The following ZBTB7C variants were observed in gnomAD, a reference collection of about 807,000 sequenced individuals.
ZBTB7C encodes zinc finger and BTB domain containing 7C, also known as zinc finger and BTB domain-containing protein 7C.
In ZBTB7C, 8 loss-of-function variants were observed where a neutral mutation model predicts 25.7. That is an observed-to-expected ratio of 0.31 (90% CI 0.18 to 0.56). The LOEUF (loss-of-function observed/expected upper bound fraction) is 0.56. Ranked by LOEUF, ZBTB7C falls within the 20% of genes least tolerant of loss-of-function variation. ZBTB7C has a pLI of 0.91. For missense variants in ZBTB7C, 824 were observed against 855.2 expected (o/e 0.96, Z 0.46); for synonymous variants, 394 against 369.0 (o/e 1.07, Z -0.78).
At chr18:48,176,616 C>CGTGTGTGTGTGTGTGTGT (rs10533963) in intron 3 of ZBTB7C, among the ~76,000 whole-genome samples, 93 of 149,746 alleles carry the variant, frequency 6.2e-4, no homozygotes, top group South Asian at 5.1e-3. Flanking sequence ...AGGAAATACA[C>CGTGTGTGTGTGTGTGTGT]GTGTGTGTGT....
At chr18:48,264,676 C>T (rs939335336) in intron 2 of ZBTB7C, among the ~76,000 whole-genome samples, 1 of 152,156 alleles carries the variant, frequency 6.6e-6, no homozygotes, top group African/African-American at 2.4e-5. Flanking sequence ...ACATCACCCT[C>T]CCCCTAACCC....
At chr18:48,324,488 G>A (rs11659214) in intron 2 of ZBTB7C, among the ~76,000 whole-genome samples, 8,233 of 151,970 alleles carry the variant, frequency 0.054, 281 homozygotes, top group South Asian at 0.099. Context: ...CAACTGTGAT[G>A]CTATGGTCTG....
At chr18:48,161,847 C>T (rs1025887567) in intron 3 of ZBTB7C, among the ~76,000 whole-genome samples, 2 of 151,932 alleles carry the variant, frequency 1.3e-5, no homozygotes, top group Admixed American at 1.3e-4. Context: ...GCCCTCCTCC[C>T]GGGCGCCCCT....
At chr18:48,269,884 G>A (rs963079502) in intron 2 of ZBTB7C, among the ~76,000 whole-genome samples, 1 of 152,132 alleles carries the variant, frequency 6.6e-6, no homozygotes, top group African/African-American at 2.4e-5. Context: ...GCTTGGTCCA[G>A]AACAGGATTA....
At chr18:48,254,132 T>C (rs1382787711) in intron 2 of ZBTB7C, among the ~76,000 whole-genome samples, 2 of 152,236 alleles carry the variant, frequency 1.3e-5, no homozygotes, top group African/African-American at 4.8e-5. Context: ...AAGGTTTTCC[T>C]TTTTAACGAA....
At chr18:48,038,521 A>T (rs1278559526) in intron 4 of ZBTB7C, among the ~76,000 whole-genome samples, 1 of 151,098 alleles carries the variant, frequency 6.6e-6, no homozygotes, top group Non-Finnish European at 1.5e-5. Flanking sequence ...CCAGAAGAAC[A>T]GGTCTCATGA....
intron 1 of ZBTB7C, among the ~76,000 whole-genome samples, chr18:48,360,660 A>T (rs1416971651): frequency 6.6e-6 from 1 of 152,080 alleles, no homozygotes; most frequent in East Asian, 1.9e-4. Context: ...ACGGGCACTG[A>T]GGGGAGCCTG....
At chr18:48,064,523 A>G (rs578127299) in intron 3 of ZBTB7C, among the ~76,000 whole-genome samples, 1 of 152,322 alleles carries the variant, frequency 6.6e-6, no homozygotes, top group South Asian at 2.1e-4. Context: ...CGGGTGGATT[A>G]CTTGAGTTTA....
At chr18:48,036,629 G>A (rs1453568646) in intron 4 of ZBTB7C, among the ~76,000 whole-genome samples, 1 of 152,162 alleles carries the variant, frequency 6.6e-6, no homozygotes, top group Non-Finnish European at 1.5e-5. Flanking sequence ...AAGGACCTGA[G>A]GGCAGCATGT....
At chr18:48,335,507 A>G (rs1032737678) in intron 2 of ZBTB7C, among the ~76,000 whole-genome samples, 11 of 152,172 alleles carry the variant, frequency 7.2e-5, no homozygotes, top group African/African-American at 2.2e-4. Flanking sequence ...AACATAAGTC[A>G]CCATCTAGAA....
intron 1 of ZBTB7C, among the ~76,000 whole-genome samples, chr18:48,386,792 A>G (rs1280151988): frequency 6.6e-6 from 1 of 152,252 alleles, no homozygotes; most frequent in Non-Finnish European, 1.5e-5. Flanking sequence ...TCTCAAAAAA[A>G]TGTTATCAGA....
rs2041520462 is a variant in ZBTB7C, at chr18:48,172,528, A to T, written c.-17+13406T>A. ...TGACCTCCTGGCCTCCATCAGTGGG[A>T]GCTGGGGGAGAGGGAGACCAGCGAG... is the stretch of plus-strand genomic sequence containing the variant. On this transcript the variant is annotated intron_variant, in intron 3 of 4. Coordinates refer to ENST00000590800, the MANE Select transcript of ZBTB7C (RefSeq NM_001318841.2). Among the ~76,000 whole-genome samples, 4 of 151,912 alleles carry T rather than the reference A, an allele frequency of 2.6e-5. No homozygotes were observed. In the South Asian group the frequency reaches 6.2e-4, roughly 24 times the overall value.
At chr18:48,332,533 G>C (rs1468985675) in intron 2 of ZBTB7C, among the ~76,000 whole-genome samples, 2 of 151,972 alleles carry the variant, frequency 1.3e-5, no homozygotes, top group Non-Finnish European at 2.9e-5. Context: ...TCTAGAATTT[G>C]GTTCTAAATA....
At chr18:48,252,163 T>C (rs1177693337) in intron 2 of ZBTB7C, 1 of 152,228 alleles carries the variant, frequency 6.6e-6, no homozygotes, top group Non-Finnish European at 1.5e-5. Context: ...GCACTTACTA[T>C]TAGCCAGAAG....
At chr18:48,110,242 C>T (rs151117908) in intron 3 of ZBTB7C, among the ~76,000 whole-genome samples, 46 of 152,256 alleles carry the variant, frequency 3.0e-4, no homozygotes, top group Non-Finnish European at 3.8e-4. Context: ...CACACTGATC[C>T]GAGGGTGGCA....
At chr18:48,283,471 A>C (rs2044935145) in intron 2 of ZBTB7C, among the ~76,000 whole-genome samples, 1 of 152,210 alleles carries the variant, frequency 6.6e-6, no homozygotes, top group Non-Finnish European at 1.5e-5. Flanking sequence ...TAAAAACTTA[A>C]CTTGGCATTC....
chr18:48,135,542 G>T (rs1488960942), intron 3 of ZBTB7C, among the ~76,000 whole-genome samples: 1 of 152,080 alleles, frequency 6.6e-6, no homozygotes, highest in Non-Finnish European at 1.5e-5. Context: ...TGGGAGAGTG[G>T]GTTCTTTTTC....
chr18:48,107,901 C>T (rs1284708106), intron 3 of ZBTB7C, among the ~76,000 whole-genome samples: 2 of 152,272 alleles, frequency 1.3e-5, no homozygotes, highest in Middle Eastern at 3.4e-3. Flanking sequence ...ATTTCCTTAG[C>T]CCCTTATCCT....
intron 3 of ZBTB7C, among the ~76,000 whole-genome samples, chr18:48,093,618 CA>C (rs61347643): frequency 1.3e-5 from 2 of 150,746 alleles, no homozygotes; most frequent in Non-Finnish European, 3.0e-5. Context: ...TAAAAAAAAA[CA>C]AAAAAAACAC....
Sources: allele counts gnomAD v4.1 joint callset (sites outside exome capture counted in the v4.1 genomes callset), GRCh38; gene constraint gnomAD v4.1.1; transcripts MANE v1.5; gene names NCBI Gene and HGNC (gene_info 2026-07-23, HGNC 2026-07-21).